CDK7: variants seen among roughly 807,000 people sequenced by gnomAD.
CDK7 encodes the protein cyclin dependent kinase 7, also known as cyclin-dependent kinase 7.
Under a neutral mutation model 49.1 loss-of-function variants are expected in CDK7, and 25 were observed. The observed-to-expected ratio is 0.51, with a 90% CI of 0.37 to 0.71. The LOEUF (loss-of-function observed/expected upper bound fraction) is 0.71. Ranked by LOEUF, CDK7 falls within the 30% of genes least tolerant of loss-of-function variation. The pLI is 0.00. For missense variants in CDK7, 316 were observed against 411.7 expected, an observed-to-expected ratio of 0.77 and a Z score of 2.01; for synonymous variants, 107 against 140.0, an observed-to-expected ratio of 0.76 and a Z score of 1.67.
intron 6 of CDK7, among the ~76,000 whole-genome samples, chr5:69,258,396 T>G (rs1225279700): frequency 7.3e-6 from 1 of 136,896 alleles, no homozygotes; most frequent in East Asian, 2.0e-4. Context: ...TTTTTTTTTT[T>G]TGAGATGGAA....
At chr5:69,259,457 T>G (rs1750683738) in intron 6 of CDK7, among the ~76,000 whole-genome samples, 1 of 152,190 alleles carries the variant, frequency 6.6e-6, no homozygotes, top group South Asian at 2.1e-4. Context: ...TTCTTATACA[T>G]TAACAACGTA....
intron 2 of CDK7, among the ~76,000 whole-genome samples, chr5:69,246,612 G>A (rs1252458215): frequency 6.6e-6 from 1 of 151,300 alleles, no homozygotes; most frequent in Non-Finnish European, 1.5e-5. Flanking sequence ...TTTCTGCTCT[G>A]ATTTTTATTA....
chr5:69,269,866 A>AG (rs1455641817), intron 9 of CDK7, among the ~76,000 whole-genome samples: 109 of 151,188 alleles, frequency 7.2e-4, no homozygotes, highest in Non-Finnish European at 5.9e-5. Context: ...TACAGGCATG[A>AG]GCCAGCGCAC....
chr5:69,263,106 C>T (rs1227426490), intron 8 of CDK7, among the ~76,000 whole-genome samples: 2 of 152,144 alleles, frequency 1.3e-5, no homozygotes, highest in African/African-American at 2.4e-5. Flanking sequence ...CATCATCTTA[C>T]AGTAAAAAAA....
chr5:69,245,721 C>G (rs994868969), intron 2 of CDK7, among the ~76,000 whole-genome samples: 1 of 152,100 alleles, frequency 6.6e-6, no homozygotes, highest in Admixed American at 6.5e-5. Context: ...TGGCATCAAT[C>G]TCATTACTTG....
At chr5:69,241,314 C>CTTTTTTTTTTTTT (rs747725798) in intron 2 of CDK7, among the ~76,000 whole-genome samples, 5 of 35,188 alleles carry the variant, frequency 1.4e-4, no homozygotes, top group Non-Finnish European at 2.0e-4. Flanking sequence ...TAGGTTTTTT[C>CTTTTTTTTTTTTT]TTTTTTTTTT....
chr5:69,266,649 G>A (rs1452805240), intron 8 of CDK7, among the ~76,000 whole-genome samples: 1 of 151,924 alleles, frequency 6.6e-6, no homozygotes, highest in Non-Finnish European at 1.5e-5. Context: ...CAGGCCTGGA[G>A]AGTAGCTAGT....
chr5:69,243,827 T>G (rs1466122958), intron 2 of CDK7, among the ~76,000 whole-genome samples: 11 of 55,286 alleles, frequency 2.0e-4, no homozygotes, highest in Non-Finnish European at 3.6e-4. Context: ...ATGATAGTTG[T>G]TTTTTTTTTT....
chr5:69,241,726 C>G (rs1292302888), intron 2 of CDK7, among the ~76,000 whole-genome samples: 1 of 152,146 alleles, frequency 6.6e-6, no homozygotes, highest in African/African-American at 2.4e-5. Flanking sequence ...AATACCTACT[C>G]AGATCTTTCG....
At chr5:69,239,781 C>G (rs940936578) in intron 2 of CDK7, among the ~76,000 whole-genome samples, 1 of 151,662 alleles carries the variant, frequency 6.6e-6, no homozygotes, top group Non-Finnish European at 1.5e-5. Flanking sequence ...ACAAAGAATT[C>G]TGTACTTGTA....
Position 69,246,149 on chromosome 5 carries a change from T to G in CDK7, c.127-6269T>G, listed in dbSNP as rs186811102. Among the ~76,000 whole-genome samples, 193 of 152,142 alleles carry G rather than the reference T, an allele frequency of 1.3e-3. 1 individual carries two copies. The highest frequency in any genetic ancestry group is 4.5e-3 in the African/African-American group (186 of 41,506). ...GGAAGTTTGTTTGTTTGTTTGTTTGTTTTTTGAGATGGAGTCTCGCTCTGT... is the reference window on the plus strand; with the variant it reads ...GGAAGTTTGTTTGTTTGTTTGTTTGGTTTTTGAGATGGAGTCTCGCTCTGT... On this transcript the variant is annotated intron_variant, in intron 2 of 11. Coordinates refer to ENST00000256443, the MANE Select transcript of CDK7 (RefSeq NM_001799.4).
At chr5:69,235,633 G>A in intron 2 of CDK7, 180 bp downstream of exon 2, 2 of 612,032 alleles carry the variant, frequency 3.3e-6, no homozygotes, top group East Asian at 2.8e-5. Flanking sequence ...GGTTGAACCC[G>A]TTTTAATTTC....
chr5:69,247,919 T>C (rs1749865475), intron 2 of CDK7, among the ~76,000 whole-genome samples: 1 of 152,200 alleles, frequency 6.6e-6, no homozygotes, highest in South Asian at 2.1e-4. Context: ...TGAAAAATTG[T>C]TATTGTTTTT....
chr5:69,269,117 T>C, intron 8 of CDK7, 90 bp from the exon 9 acceptor site: 1 of 748,890 alleles, frequency 1.3e-6, no homozygotes, highest in Non-Finnish European at 2.2e-6. Context: ...GCAGCCTGGG[T>C]GACAGAGCGA....
At chr5:69,268,986 T>G (rs1751348682) in intron 8 of CDK7, among the ~76,000 whole-genome samples, 1 of 139,018 alleles carries the variant, frequency 7.2e-6, no homozygotes. Context: ...CTACTAAAAA[T>G]ACAAAAATTA....
rs372344015 is a variant in CDK7, at chr5:69,256,416, C to T, written c.297+888C>T. ...TTACCCGTGCTGGAGTACAGTGGCGCGATCTCAACTCACTGCAACCTCTGC... is the reference window on the plus strand; with the variant it reads ...TTACCCGTGCTGGAGTACAGTGGCGTGATCTCAACTCACTGCAACCTCTGC... On this transcript the variant is annotated intron_variant, in intron 5 of 11. Coordinates refer to ENST00000256443, the MANE Select transcript of CDK7 (RefSeq NM_001799.4). 2.6e-4 allele frequency among the ~76,000 whole-genome samples: 40 copies of T among 152,012 alleles called. 1 individual carries two copies. The highest frequency in any genetic ancestry group is 8.0e-4 in the African/African-American group (33 of 41,484).
intron 3 of CDK7, 29 bp from the exon 4 acceptor site, chr5:69,254,573 T>C (rs764936755): frequency 3.3e-5 from 34 of 1,027,058 alleles, no homozygotes; most frequent in Middle Eastern, 2.1e-4. Flanking sequence ...TTCAGAATTA[T>C]TCACTTTTTG....
chr5:69,249,133 G>T (rs556069088), intron 2 of CDK7, among the ~76,000 whole-genome samples: 12 of 151,844 alleles, frequency 7.9e-5, no homozygotes, highest in African/African-American at 2.4e-4. Context: ...CTGTCTTCTA[G>T]ATCTTGTAGG....
At position 69,273,060 on chromosome 5, in the gene CDK7, T is replaced by C; in HGVS notation, c.864+19T>C. ...CACACAGGTATTTTGGTGTATCTTTTTTATACTAGGAAATATAAAAATAAT... is the reference window on the plus strand; with the variant it reads ...CACACAGGTATTTTGGTGTATCTTTCTTATACTAGGAAATATAAAAATAAT... On this transcript the variant is annotated intron_variant, in intron 10 of 11. Transcript: ENST00000256443. The C allele has an allele frequency of 6.9e-7, 1 of 1,451,500 alleles. No individual in the cohort carries two copies. The highest frequency in any genetic ancestry group is 9.3e-7 in the Non-Finnish European group (1 of 1,076,560). The allele number at this position is 1,451,500 out of a possible 1,614,324, so 89.9% of individuals were successfully genotyped here.
Sources: allele counts gnomAD v4.1 joint callset (sites outside exome capture counted in the v4.1 genomes callset), GRCh38; gene constraint gnomAD v4.1.1; transcripts MANE v1.5; gene names NCBI Gene and HGNC (gene_info 2026-07-23, HGNC 2026-07-21).